The following IGF2BP2 variants were observed in gnomAD, a reference collection of about 807,000 sequenced individuals.
IGF2BP2 encodes insulin-like growth factor 2 mRNA-binding protein 2.
IGF2BP2 carries 17 observed loss-of-function variants against 75.8 expected under a neutral mutation model. The ratio of observed to expected loss-of-function variants is 0.22; its 90% CI spans 0.15 to 0.34. The LOEUF is 0.34. Ranked by LOEUF, IGF2BP2 falls within the 10% of genes least tolerant of loss-of-function variation. The pLI, the probability that IGF2BP2 is intolerant of heterozygous loss-of-function variation, is 1.00. For missense variants in IGF2BP2, 516 were observed against 772.4 expected, an observed-to-expected ratio of 0.67 and a Z score of 3.93; for synonymous variants, 288 against 295.6, an observed-to-expected ratio of 0.97 and a Z score of 0.26.
chr3:185,681,769 T>C (rs1315279788), intron 7 of IGF2BP2, among the ~76,000 whole-genome samples: 1 of 152,170 alleles, frequency 6.6e-6, no homozygotes, highest in African/African-American at 2.4e-5. Context: ...ATCCTGCGTA[T>C]AGTCTCCGAT....
At position 185,823,205 on chromosome 3, in the gene IGF2BP2, C is replaced by T. The variant is rs1224811172; in HGVS notation, c.187G>A (p.Glu63Lys). ...RAIETLSGKV[E>K]LHGKIMEVDY... is the part of the protein sequence containing the mutation. ...ACTTCCATGATTTTCCCATGCAATT[C>T]CACTTTACCTTTAAAACAGAAATTA... Residue 63 changes from glutamate to lysine, a missense_variant, in exon 2 of 16, where the codon GAA (glutamate) becomes AAA (lysine). Glu to Lys is a moderately conservative substitution (Grantham distance 56). This residue lies in a region of IGF2BP2 where 312 missense variants were observed against 474.5 expected (regional missense o/e 0.66). Coordinates refer to ENST00000382199, the MANE Select transcript of IGF2BP2 (RefSeq NM_006548.6). The T allele has an allele frequency of 6.2e-7, 1 of 1,609,508 alleles. No individual in the cohort carries two copies. Among genetic ancestry groups the T allele is most frequent in the Non-Finnish European group, 8.5e-7 (1 of 1,177,314 alleles).
At chr3:185,798,641 A>G (rs1737756728) in intron 2 of IGF2BP2, among the ~76,000 whole-genome samples, 1 of 152,194 alleles carries the variant, frequency 6.6e-6, no homozygotes, top group Non-Finnish European at 1.5e-5. Flanking sequence ...CCCAAATATA[A>G]CATTTTTCCT....
chr3:185,792,693 G>A (rs1016523974), intron 2 of IGF2BP2, among the ~76,000 whole-genome samples: 2 of 150,898 alleles, frequency 1.3e-5, no homozygotes, highest in African/African-American at 4.9e-5. Flanking sequence ...TCGAACCCCG[G>A]AGGTGGAGGT....
rs1713215367 is a variant in IGF2BP2 at position 185,644,670 on chromosome 3, AG to A, written c.*860del. 1 of 94,010 alleles carries A rather than the reference AG, an allele frequency of 1.1e-5. No homozygotes were observed. Among genetic ancestry groups the A allele is most frequent in the Admixed American group, 1.3e-4 (1 of 7,554 alleles). The allele number at this position is 94,010 out of a possible 1,614,324, so 5.8% of individuals were successfully genotyped here. On this transcript the variant is annotated 3_prime_UTR_variant, in exon 16 of 16. Coordinates refer to ENST00000382199, the MANE Select transcript of IGF2BP2 (RefSeq NM_006548.6). ...AAGAATGGAGATGGAGAAGAAGGGG[AG>A]GGGAGGGAGGGGAGAGATAAACAGA...
chr3:185,795,551 CAA>C (rs1368211630), intron 2 of IGF2BP2, among the ~76,000 whole-genome samples: 1 of 152,096 alleles, frequency 6.6e-6, no homozygotes, highest in East Asian at 1.9e-4. Context: ...TTGAAAGAGA[CAA>C]AGAGGAGACA....
At chr3:185,649,583 C>T in intron 13 of IGF2BP2, 49 bp from the exon 14 acceptor site, 1 of 1,608,614 alleles carries the variant, frequency 6.2e-7, no homozygotes. Flanking sequence ...CAGCAGCCGG[C>T]CACTTCATCA....
At chr3:185,800,718 A>AAAAAGAAAGAAAGAAAGAAAGAAAAAG (rs771868332) in intron 2 of IGF2BP2, among the ~76,000 whole-genome samples, 2 of 143,290 alleles carry the variant, frequency 1.4e-5, no homozygotes, top group Admixed American at 7.0e-5. Flanking sequence ...GAGCCAAAAA[A>AAAAAGAAAGAAAGAAAGAAAGAAAAAG]AAAGAAAGAA....
chr3:185,771,305 G>A (rs569439697), intron 2 of IGF2BP2, among the ~76,000 whole-genome samples: 60 of 152,146 alleles, frequency 3.9e-4, no homozygotes, highest in African/African-American at 1.4e-3. Context: ...GCCAGGTGTG[G>A]TGGTGCACGC....
chr3:185,759,301 C>T (rs1027351595), intron 2 of IGF2BP2, among the ~76,000 whole-genome samples: 1 of 152,212 alleles, frequency 6.6e-6, no homozygotes, highest in Admixed American at 6.5e-5. Context: ...CACTCTCAAA[C>T]ATGTACTACT....
At chr3:185,799,612 C>T (rs1407134738) in intron 2 of IGF2BP2, among the ~76,000 whole-genome samples, 5 of 151,916 alleles carry the variant, frequency 3.3e-5, no homozygotes, top group African/African-American at 7.3e-5. Context: ...ATTAGCTGGG[C>T]GTGGTGGCGG....
At chr3:185,792,290 C>T (rs1736746963) in intron 2 of IGF2BP2, among the ~76,000 whole-genome samples, 1 of 152,048 alleles carries the variant, frequency 6.6e-6, no homozygotes, top group South Asian at 2.1e-4. Context: ...TGAGTATCTG[C>T]TTTTCTCCTC....
chr3:185,792,469 T>G (rs893011063), intron 2 of IGF2BP2, among the ~76,000 whole-genome samples: 6 of 152,084 alleles, frequency 3.9e-5, no homozygotes, highest in Non-Finnish European at 8.8e-5. Flanking sequence ...TTTTTTTTTT[T>G]GTAAAAAATA....
chr3:185,735,595 G>A (rs538244343), intron 2 of IGF2BP2, among the ~76,000 whole-genome samples: 1 of 152,244 alleles, frequency 6.6e-6, no homozygotes, highest in Admixed American at 6.5e-5. Flanking sequence ...CAAGTCCTTG[G>A]TCAAGAAAAA....
chr3:185,649,551 T>C lies in IGF2BP2; in HGVS notation c.1462-17A>G, dbSNP rs774498754. The C allele has an allele frequency of 5.0e-6, 8 of 1,613,648 alleles. No individual in the cohort carries two copies. The highest frequency in any genetic ancestry group is 1.3e-5 in the African/African-American group (1 of 74,918). On this transcript the variant is annotated splice_polypyrimidine_tract_variant and intron_variant, in intron 13 of 15. Transcript: ENST00000382199. The stretch of plus-strand genomic sequence containing the variant: ...TCCCTGGGCCTGAGAGAGCAAGACA[T>C]GACTAATGACTCTCAGTCAGCCAGC...
chr3:185,668,374 T>C (rs1717968387), intron 10 of IGF2BP2, among the ~76,000 whole-genome samples: 2 of 151,918 alleles, frequency 1.3e-5, no homozygotes, highest in South Asian at 2.1e-4. Context: ...TTTTTTAATG[T>C]GTAAACATAA....
intron 2 of IGF2BP2, among the ~76,000 whole-genome samples, chr3:185,702,721 T>C (rs1723483210): frequency 6.6e-6 from 1 of 152,076 alleles, no homozygotes; most frequent in Non-Finnish European, 1.5e-5. Context: ...CCTGCCTTCC[T>C]TGACTCCCTG....
chr3:185,787,740 A>C (rs953334026), intron 2 of IGF2BP2, among the ~76,000 whole-genome samples: 1 of 152,166 alleles, frequency 6.6e-6, no homozygotes, highest in African/African-American at 2.4e-5. Context: ...CTCAAAAAAA[A>C]AAAACAGTTT....
intron 2 of IGF2BP2, among the ~76,000 whole-genome samples, chr3:185,751,074 G>C (rs1004023701): frequency 1.1e-4 from 17 of 152,130 alleles, no homozygotes; most frequent in African/African-American, 4.1e-4. Flanking sequence ...TTAGCTGGGC[G>C]TGATGGGGTG....
chr3:185,710,737 TAAAAA>T (rs1007093613), intron 2 of IGF2BP2, among the ~76,000 whole-genome samples: 2 of 142,442 alleles, frequency 1.4e-5, no homozygotes, highest in Non-Finnish European at 3.1e-5. Context: ...AGTCTCAAAA[TAAAAA>T]AAAAAGAACA....
Sources: gnomAD v4.1 joint callset for allele counts (sites outside exome capture counted in the v4.1 genomes callset) on GRCh38, gnomAD v4.1.1 for gene constraint, gnomAD v4.1.1 regional missense constraint, MANE v1.5 for transcripts, NCBI Gene and HGNC (gene_info 2026-07-23, HGNC 2026-07-21) for gene names.